CELF2: variants seen among roughly 807,000 people sequenced by gnomAD.
CELF2 encodes the protein CUG triplet repeat RNA-binding protein 2.
A neutral mutation model predicts 62.6 loss-of-function variants in CELF2; 8 were observed. That is an observed-to-expected ratio of 0.13 (90% confidence interval 0.07 to 0.23). The LOEUF (loss-of-function observed/expected upper bound fraction) is 0.23. CELF2 is among the 10% of genes least tolerant of loss of function. The probability of loss-of-function intolerance (pLI) is 1.00; values close to 1 mark genes in which losing one functional copy is unlikely to be tolerated. For missense variants in CELF2, 333 were observed against 671.0 expected, an observed-to-expected ratio of 0.50 and a Z score of 5.56; for synonymous variants, 258 against 250.0, an observed-to-expected ratio of 1.03 and a Z score of -0.30.
upstream of CELF2, among the ~76,000 whole-genome samples, chr10:10,795,999 A>G (rs2131402848): frequency 6.6e-6 from 1 of 152,202 alleles, no homozygotes; most frequent in South Asian, 2.1e-4. Flanking sequence ...AATAATTGTT[A>G]TATTTTAGTT....
intron 4 of CELF2, among the ~76,000 whole-genome samples, chr10:11,254,688 A>T (rs1422843295): frequency 2.0e-5 from 3 of 152,252 alleles, no homozygotes; most frequent in Non-Finnish European, 4.4e-5. Flanking sequence ...AGTGAAACCA[A>T]GGACTTGGTG....
chr10:10,594,384 A>T, the CELF2 span, among the ~76,000 whole-genome samples: 1 of 133,524 alleles, frequency 7.5e-6, no homozygotes, highest in Non-Finnish European at 1.7e-5. Flanking sequence ...CCCATTGGAC[A>T]GACACTGTGC....
the CELF2 span, among the ~76,000 whole-genome samples, chr10:10,637,279 G>C: frequency 6.6e-6 from 1 of 152,124 alleles, no homozygotes. Flanking sequence ...TAGTGTCCCA[G>C]ACTCCCAGGA....
At chr10:11,307,332 C>T (rs1281741385) in intron 9 of CELF2, among the ~76,000 whole-genome samples, 2 of 152,230 alleles carry the variant, frequency 1.3e-5, no homozygotes, top group East Asian at 3.8e-4. Flanking sequence ...TACAGCCTGG[C>T]ATACAGGGCC....
chr10:10,522,985 G>C, the CELF2 span, among the ~76,000 whole-genome samples: 1 of 152,206 alleles, frequency 6.6e-6, no homozygotes, highest in Non-Finnish European at 1.5e-5. Flanking sequence ...AAGGTGCTCA[G>C]AGTTGAGGTC....
rs566991896 is a variant in CELF2 at position 11,314,418 on chromosome 10, A to G, written c.1096+160A>G. 6.8e-5 allele frequency: 62 copies of G among 911,792 alleles called. No homozygotes were observed. Among genetic ancestry groups the G allele is most frequent in the African/African-American group, 4.7e-4 (29 of 61,308 alleles). 56.5% of individuals were successfully genotyped at this position (911,792 alleles called of 1,614,324 possible). ...ATGCTTTGATAGGCAAAAGCTGTCT[A>G]CACTCGTTTTGCCTCAGAAAATCCC... On this transcript the variant is annotated intron_variant, in intron 10 of 12. Coordinates refer to ENST00000633077, the MANE Select transcript of CELF2 (RefSeq NM_001326342.2). The surrounding 1 kb of genome is among the most constrained non-coding windows in gnomAD (Gnocchi z 5.3).
rs1487918218 is a variant in CELF2 at position 11,039,310 on chromosome 10, A to T, written c.74+21147A>T. ...GCTGAGATGAACTGGGCCAATTCTCATGGGGCACCTCCCATGCCAGGATTT... is the reference window on the plus strand; with the variant it reads ...GCTGAGATGAACTGGGCCAATTCTCTTGGGGCACCTCCCATGCCAGGATTT... On this transcript the variant is annotated intron_variant, in intron 1 of 12. Transcript: ENST00000633077. This position sits in a 1 kb window ranked among gnomAD's most constrained non-coding sequence, Gnocchi z 4.1. Among the ~76,000 whole-genome samples, 1 of 152,192 alleles carries T rather than the reference A, an allele frequency of 6.6e-6. No individual in the cohort carries two copies. The highest frequency in any genetic ancestry group is 1.5e-5 in the Non-Finnish European group (1 of 68,032).
At chr10:11,251,068 C>T (rs2076979902) in intron 4 of CELF2, among the ~76,000 whole-genome samples, 1 of 152,140 alleles carries the variant, frequency 6.6e-6, no homozygotes, top group African/African-American at 2.4e-5. Flanking sequence ...GAGTGTGTGG[C>T]CACCAAGAAA....
At chr10:10,784,183 G>A in the CELF2 span, among the ~76,000 whole-genome samples, 1 of 152,074 alleles carries the variant, frequency 6.6e-6, no homozygotes, top group African/African-American at 2.4e-5. Flanking sequence ...ATTTATTCTG[G>A]TGCTGTGTGC....
At chr10:11,170,625 C>CT (rs960586575) in intron 2 of CELF2, among the ~76,000 whole-genome samples, 2 of 151,872 alleles carry the variant, frequency 1.3e-5, no homozygotes, top group Non-Finnish European at 2.9e-5. Flanking sequence ...TCTCGGAGGT[C>CT]TGAAGTAAGG....
chr10:10,800,315 C>T (rs548767838), intron 1 of CELF2, among the ~76,000 whole-genome samples: 9 of 152,268 alleles, frequency 5.9e-5, no homozygotes, highest in African/African-American at 1.7e-4. Context: ...CTTTCATAAC[C>T]GCCATTTTAA....
At chr10:10,489,615 C>A in the CELF2 span, among the ~76,000 whole-genome samples, 889 of 152,206 alleles carry the variant, frequency 5.8e-3, 11 homozygotes, top group African/African-American at 0.02. Context: ...ACTGCAACTA[C>A]AGATGATTGC....
intron 2 of CELF2, among the ~76,000 whole-genome samples, chr10:10,968,991 A>T (rs1302083574): frequency 6.6e-6 from 1 of 152,234 alleles, no homozygotes; most frequent in Non-Finnish European, 1.5e-5. Flanking sequence ...TGCAAATGGG[A>T]TGAACAAAGA....
intron 2 of CELF2, among the ~76,000 whole-genome samples, chr10:10,926,180 C>A (rs2065440143): frequency 6.6e-6 from 1 of 152,110 alleles, no homozygotes; most frequent in Non-Finnish European, 1.5e-5. Flanking sequence ...ATGTGTCCCC[C>A]ACAATTCATG....
intron 2 of CELF2, among the ~76,000 whole-genome samples, chr10:10,958,185 C>T (rs920879034): frequency 4.6e-5 from 7 of 152,304 alleles, no homozygotes; most frequent in African/African-American, 9.6e-5. Flanking sequence ...GAAAAACTTG[C>T]TCAAGCATGA....
the CELF2 span, among the ~76,000 whole-genome samples, chr10:10,575,941 G>C: frequency 6.6e-6 from 1 of 152,186 alleles, no homozygotes; most frequent in Non-Finnish European, 1.5e-5. Context: ...ATTATCTCTG[G>C]ATTCGGAGGA....
the CELF2 span, among the ~76,000 whole-genome samples, chr10:10,582,348 G>A: frequency 1.3e-5 from 2 of 152,098 alleles, no homozygotes; most frequent in African/African-American, 4.8e-5. Flanking sequence ...TGGGTCCTTG[G>A]TGATGATCTC....
chr10:10,775,387 T>C, the CELF2 span, among the ~76,000 whole-genome samples: 2 of 151,970 alleles, frequency 1.3e-5, no homozygotes, highest in Admixed American at 6.5e-5. Flanking sequence ...TCCCAGCAGT[T>C]TGGGAGGCCA....
the CELF2 span, among the ~76,000 whole-genome samples, chr10:10,489,954 G>A: frequency 3.3e-5 from 5 of 152,110 alleles, no homozygotes; most frequent in Non-Finnish European, 5.9e-5. Flanking sequence ...ACACATATTT[G>A]TGTAACTTAC....
Sources: gnomAD v4.1 joint callset for allele counts (sites outside exome capture counted in the v4.1 genomes callset) on GRCh38, gnomAD v4.1.1 for gene constraint, Gnocchi (gnomAD v3.1) non-coding constraint, MANE v1.5 for transcripts, NCBI Gene and HGNC (gene_info 2026-07-23, HGNC 2026-07-21) for gene names.